The following SH3RF1 variants were observed in gnomAD, a reference collection of about 807,000 sequenced individuals.
SH3RF1 encodes E3 ubiquitin-protein ligase SH3RF1.
Under a neutral mutation model 74.0 loss-of-function variants are expected in SH3RF1, and 32 were observed. That is an observed-to-expected ratio of 0.43 (90% CI 0.33 to 0.58). The LOEUF is 0.58. Among genes scored for constraint, SH3RF1 ranks in the 20% least tolerant of loss-of-function variants. SH3RF1 has a pLI of 0.05. For synonymous variants in SH3RF1, 396 were observed against 439.6 expected, an observed-to-expected ratio of 0.90 and a Z score of 1.24; for missense variants, 954 against 1,130.9, an observed-to-expected ratio of 0.84 and a Z score of 2.24.
intron 2 of SH3RF1, among the ~76,000 whole-genome samples, chr4:169,176,197 C>T (rs968849585): frequency 2.0e-5 from 3 of 152,150 alleles, no homozygotes; most frequent in Non-Finnish European, 4.4e-5. Context: ...GGTATTTTGT[C>T]CTAGCAGCCC....
intron 2 of SH3RF1, among the ~76,000 whole-genome samples, chr4:169,206,905 T>A (rs1399444313): frequency 6.6e-6 from 1 of 152,118 alleles, no homozygotes; most frequent in Non-Finnish European, 1.5e-5. Context: ...GAGGCAGAAC[T>A]GGGATCACTT....
Position 169,096,273 on chromosome 4 carries a change from C to A in SH3RF1, c.*246G>T, listed in dbSNP as rs1477733194. 8 of 346,496 alleles carry A rather than the reference C, an allele frequency of 2.3e-5. No homozygotes were observed. The highest frequency in any genetic ancestry group is 8.8e-5 in the East Asian group (2 of 22,712). The allele number at this position is 346,496 out of a possible 1,614,324, so 21.5% of individuals were successfully genotyped here. A position where few individuals can be genotyped will look rare whatever the true frequency, so the allele number is the denominator to read the frequency against. On this transcript the variant is annotated 3_prime_UTR_variant, in exon 12 of 12. Coordinates refer to ENST00000284637, the MANE Select transcript of SH3RF1 (RefSeq NM_020870.4). ...ATATCTTAAAAAAAAAAAAAAGTTTCTCTGTGTAGTAAATCAGACAGTACA... is the reference window on the plus strand; with the variant it reads ...ATATCTTAAAAAAAAAAAAAAGTTTATCTGTGTAGTAAATCAGACAGTACA...
At chr4:169,124,073 G>A (rs1239062316) in intron 6 of SH3RF1, among the ~76,000 whole-genome samples, 1 of 152,134 alleles carries the variant, frequency 6.6e-6, no homozygotes, top group Non-Finnish European at 1.5e-5. Flanking sequence ...GGATAATAAT[G>A]CATCAGCAGT....
chr4:169,117,908 T>C (rs887406347), intron 8 of SH3RF1, 126 bp from the exon 9 acceptor site: 1 of 1,198,604 alleles, frequency 8.3e-7, no homozygotes, highest in African/African-American at 1.5e-5. Flanking sequence ...AATGGAATTA[T>C]TTTTATAAAG....
intron 2 of SH3RF1, among the ~76,000 whole-genome samples, chr4:169,266,597 C>CT (rs1423966821): frequency 4.1e-5 from 4 of 97,810 alleles, no homozygotes; most frequent in African/African-American, 1.6e-4. Flanking sequence ...ACTGAGAAAG[C>CT]TTTTTTTTAA....
chr4:169,259,498 G>T (rs1731241122), intron 2 of SH3RF1, among the ~76,000 whole-genome samples: 1 of 152,044 alleles, frequency 6.6e-6, no homozygotes, highest in Non-Finnish European at 1.5e-5. Flanking sequence ...CCATCCTCTT[G>T]ACTAGGCATT....
intron 2 of SH3RF1, among the ~76,000 whole-genome samples, chr4:169,231,247 T>C (rs1025787291): frequency 2.0e-5 from 3 of 152,222 alleles, no homozygotes; most frequent in African/African-American, 7.2e-5. Flanking sequence ...GTCATGTTTG[T>C]TATCCCAAAT....
intron 2 of SH3RF1, among the ~76,000 whole-genome samples, chr4:169,267,090 T>G (rs1487858643): frequency 4.6e-5 from 7 of 152,224 alleles, no homozygotes; most frequent in Admixed American, 4.6e-4. Context: ...AATTTACCTA[T>G]GAAGTTCAAT....
intron 2 of SH3RF1, among the ~76,000 whole-genome samples, chr4:169,214,342 G>A (rs190144749): frequency 4.6e-5 from 7 of 152,300 alleles, no homozygotes; most frequent in South Asian, 2.1e-4. Flanking sequence ...GGCAGATGCC[G>A]GCACCATGCT....
At chr4:169,142,004 T>C (rs978031570) in intron 4 of SH3RF1, among the ~76,000 whole-genome samples, 1 of 152,004 alleles carries the variant, frequency 6.6e-6, no homozygotes, top group African/African-American at 2.4e-5. Context: ...TTTTTTAGTA[T>C]AGACAGGGTT....
chr4:169,118,508 G>A (rs1322821750), intron 8 of SH3RF1, among the ~76,000 whole-genome samples: 1 of 152,124 alleles, frequency 6.6e-6, no homozygotes, highest in Non-Finnish European at 1.5e-5. Flanking sequence ...TGCCCAGGCT[G>A]GAGTGGAGTG....
intron 2 of SH3RF1, among the ~76,000 whole-genome samples, chr4:169,222,546 A>G (rs1730585507): frequency 6.7e-6 from 1 of 150,078 alleles, no homozygotes; most frequent in Non-Finnish European, 1.5e-5. Context: ...TGTTCTGTAT[A>G]TTTTGACAAC....
At chr4:169,122,695 T>G (rs1229888337) in intron 6 of SH3RF1, among the ~76,000 whole-genome samples, 2 of 152,210 alleles carry the variant, frequency 1.3e-5, no homozygotes, top group African/African-American at 2.4e-5. Flanking sequence ...CAACACACAA[T>G]GTAGCTGTAC....
At chr4:169,239,148 C>T (rs974780447) in intron 2 of SH3RF1, among the ~76,000 whole-genome samples, 1 of 152,156 alleles carries the variant, frequency 6.6e-6, no homozygotes, top group African/African-American at 2.4e-5. Flanking sequence ...TATTTACCTC[C>T]TTCCTCAACT....
chr4:169,177,845 G>T (rs1001624640), intron 2 of SH3RF1, among the ~76,000 whole-genome samples: 15 of 151,964 alleles, frequency 9.9e-5, no homozygotes, highest in Admixed American at 3.3e-4. Flanking sequence ...TTACATATGT[G>T]TATGTATATA....
intron 5 of SH3RF1, among the ~76,000 whole-genome samples, chr4:169,135,050 A>ATGAGGC (rs923690265): frequency 6.6e-6 from 1 of 152,134 alleles, no homozygotes; most frequent in Non-Finnish European, 1.5e-5. Context: ...GGTCAAATAA[A>ATGAGGC]TGAGGCTGAG....
chr4:169,170,581 T>A (rs534836001), intron 2 of SH3RF1, among the ~76,000 whole-genome samples: 10 of 152,356 alleles, frequency 6.6e-5, no homozygotes, highest in Admixed American at 2.0e-4. Context: ...TTCACCAGGC[T>A]GTGAGCTATG....
chr4:169,197,206 T>G (rs1369221655), intron 2 of SH3RF1, among the ~76,000 whole-genome samples: 1 of 152,100 alleles, frequency 6.6e-6, no homozygotes, highest in East Asian at 1.9e-4. Flanking sequence ...TTCACCATGT[T>G]GGCTAGTCCG....
At chr4:169,267,932 G>C in intron 2 of SH3RF1, among the ~76,000 whole-genome samples, 1 of 152,016 alleles carries the variant, frequency 6.6e-6, no homozygotes, top group East Asian at 1.9e-4. Flanking sequence ...CAAAAATGAA[G>C]TTGTTTTAAT....
Sources: gnomAD v4.1 joint callset for allele counts (sites outside exome capture counted in the v4.1 genomes callset) on GRCh38, gnomAD v4.1.1 for gene constraint, MANE v1.5 for transcripts, NCBI Gene and HGNC (gene_info 2026-07-23, HGNC 2026-07-21) for gene names.